Variants in RASAL2 observed in about 807,000 individuals in gnomAD.
RASAL2 encodes the protein RAS protein activator like 2, also known as ras GTPase-activating protein nGAP.
A neutral mutation model predicts 128.9 loss-of-function variants in RASAL2; 58 were observed. The observed-to-expected ratio is 0.45, with a 90% CI of 0.36 to 0.56. The LOEUF (loss-of-function observed/expected upper bound fraction) is 0.56. Ranked by LOEUF, RASAL2 falls within the 20% of genes least tolerant of loss-of-function variation. The pLI is 0.00. For missense variants in RASAL2, 1,360 were observed against 1,601.6 expected (o/e 0.85, Z 2.57); for synonymous variants, 561 against 580.8 (o/e 0.97, Z 0.49).
At chr1:178,379,288 G>A (rs923701353) in intron 3 of RASAL2, among the ~76,000 whole-genome samples, 2 of 152,126 alleles carry the variant, frequency 1.3e-5, no homozygotes, top group East Asian at 3.9e-4. Context: ...GGCTGAGTTG[G>A]GAGGATCACT....
intron 1 of RASAL2, among the ~76,000 whole-genome samples, chr1:178,246,682 A>T (rs1664779758): frequency 6.6e-6 from 1 of 152,170 alleles, no homozygotes; most frequent in South Asian, 2.1e-4. Context: ...TTGCCCATTC[A>T]GTATGATATT....
chr1:178,467,464 A>G (rs1254676280), intron 17 of RASAL2, 43 bp downstream of exon 17: 4 of 1,543,272 alleles, frequency 2.6e-6, no homozygotes, highest in Non-Finnish European at 2.7e-6. Context: ...TGTTTATAGT[A>G]ACGATTATTT....
At chr1:178,454,193 A>T (rs1677594409) in intron 11 of RASAL2, among the ~76,000 whole-genome samples, 1 of 139,474 alleles carries the variant, frequency 7.2e-6, no homozygotes, top group South Asian at 2.2e-4. Flanking sequence ...TAAATCCCAG[A>T]ACTAAAAAAA....
intron 1 of RASAL2, among the ~76,000 whole-genome samples, chr1:178,237,354 G>A (rs1222123986): frequency 6.6e-6 from 1 of 152,108 alleles, no homozygotes; most frequent in Non-Finnish European, 1.5e-5. Flanking sequence ...GCAGAGGTTA[G>A]TTCCCATATG....
intron 1 of RASAL2, among the ~76,000 whole-genome samples, chr1:178,268,742 C>T (rs1412177381): frequency 6.6e-6 from 1 of 152,132 alleles, no homozygotes; most frequent in Non-Finnish European, 1.5e-5. Context: ...GACAGGCATG[C>T]ACCACGGCTC....
In RASAL2 at chr1:178,185,761, C is replaced by T. The variant is rs545047520; in HGVS notation, c.202+91067C>T. 5.9e-5 allele frequency among the ~76,000 whole-genome samples: 9 copies of T among 152,138 alleles called. 1 individual carries two copies. The South Asian group carries it at 1.7e-3, about 28-fold the overall frequency. ...CACTTGGTTATGTTATATAATTCTT[C>T]CTATGAAATGCTGGATATGATTTGC... On this transcript the variant is annotated intron_variant, in intron 1 of 17. Coordinates refer to ENST00000367649, the MANE Select transcript of RASAL2 (RefSeq NM_170692.4).
At chr1:178,155,788 A>C (rs1198964827) in intron 1 of RASAL2, among the ~76,000 whole-genome samples, 1 of 152,134 alleles carries the variant, frequency 6.6e-6, no homozygotes, top group African/African-American at 2.4e-5. Flanking sequence ...TTTGTTGAGA[A>C]TATTACACCT....
Position 178,464,487 on chromosome 1 carries a change from C to T in RASAL2, c.3387+75C>T. The T allele has an allele frequency of 1.3e-6, 2 of 1,544,476 alleles. 1 individual carries two copies. The highest frequency in any genetic ancestry group is 4.1e-4 in the Middle Eastern group (2 of 4,888). ...ACTAAAAAGGTTATCTAGCTAAGAA[C>T]ATAAACTCATCCCACCCCCATCTTC... On this transcript the variant is annotated intron_variant, in intron 15 of 17. Transcript: ENST00000367649.
Position 178,276,495 on chromosome 1 carries a change from C to G in RASAL2, c.203-7069C>G, listed in dbSNP as rs559597384. ...AATCTGCAGTATATTGTGGACTACT[C>G]CTCAACCACATTACAATTTTTTTGT... On this transcript the variant is annotated intron_variant, in intron 1 of 17. Coordinates refer to ENST00000367649, the MANE Select transcript of RASAL2 (RefSeq NM_170692.4). Among the ~76,000 whole-genome samples the G allele has an allele frequency of 3.9e-4, 59 of 151,758 alleles. No individual in the cohort carries two copies. In the South Asian group the frequency reaches 0.012, roughly 31 times the overall value.
At chr1:178,141,289 C>T (rs975656226) in intron 1 of RASAL2, among the ~76,000 whole-genome samples, 2 of 150,682 alleles carry the variant, frequency 1.3e-5, no homozygotes, top group Admixed American at 6.6e-5. Flanking sequence ...GGGGGTTGCC[C>T]ACTCCCAGCT....
chr1:178,157,237 A>G (rs1204862123), intron 1 of RASAL2, among the ~76,000 whole-genome samples: 1 of 152,128 alleles, frequency 6.6e-6, no homozygotes, highest in Non-Finnish European at 1.5e-5. Context: ...AGTGCTTTTT[A>G]GAGTAGGCAC....
chr1:178,195,744 C>G (rs1381064229), intron 1 of RASAL2, among the ~76,000 whole-genome samples: 1 of 151,982 alleles, frequency 6.6e-6, no homozygotes, highest in Non-Finnish European at 1.5e-5. Context: ...AATTACTCAT[C>G]AAACTATACA....
intron 4 of RASAL2, among the ~76,000 whole-genome samples, chr1:178,408,106 A>G (rs970775965): frequency 6.6e-6 from 1 of 152,250 alleles, no homozygotes; most frequent in Non-Finnish European, 1.5e-5. Context: ...ATCAATTGCT[A>G]TGACAATGTA....
chr1:178,179,787 G>C (rs1662024669), intron 1 of RASAL2, among the ~76,000 whole-genome samples: 1 of 152,132 alleles, frequency 6.6e-6, no homozygotes, highest in Non-Finnish European at 1.5e-5. Flanking sequence ...TCTTATCACT[G>C]TCATTCATAC....
At chr1:178,247,553 C>T (rs543949328) in intron 1 of RASAL2, among the ~76,000 whole-genome samples, 10 of 151,926 alleles carry the variant, frequency 6.6e-5, no homozygotes, top group South Asian at 6.2e-4. Flanking sequence ...AAGAGTTTTT[C>T]GTGTCTCTAT....
At chr1:178,190,356 A>T (rs1256941770) in intron 1 of RASAL2, among the ~76,000 whole-genome samples, 1 of 152,174 alleles carries the variant, frequency 6.6e-6, no homozygotes, top group Non-Finnish European at 1.5e-5. Context: ...AGTTAGAGGA[A>T]AAGAGGTAAC....
intron 5 of RASAL2, among the ~76,000 whole-genome samples, chr1:178,422,579 A>C (rs1436054011): frequency 6.6e-6 from 1 of 152,106 alleles, no homozygotes; most frequent in African/African-American, 2.4e-5. Context: ...TCTTGCCTTC[A>C]GATCATATGA....
chr1:178,263,306 C>T (rs1160243489), intron 1 of RASAL2, among the ~76,000 whole-genome samples: 1 of 152,146 alleles, frequency 6.6e-6, no homozygotes, highest in African/African-American at 2.4e-5. Flanking sequence ...GTATGCCAAG[C>T]ACTGTTTGTA....
chr1:178,250,245 GC>G (rs1664980502), intron 1 of RASAL2, among the ~76,000 whole-genome samples: 1 of 152,124 alleles, frequency 6.6e-6, no homozygotes, highest in Non-Finnish European at 1.5e-5. Context: ...TCTTACTGGG[GC>G]TGCTGCCTTT....
Sources: gnomAD v4.1 joint callset for allele counts (sites outside exome capture counted in the v4.1 genomes callset) on GRCh38, gnomAD v4.1.1 for gene constraint, MANE v1.5 for transcripts, NCBI Gene and HGNC (gene_info 2026-07-23, HGNC 2026-07-21) for gene names.